The following ILDR1 variants were observed in gnomAD, a reference collection of about 807,000 sequenced individuals.
ILDR1 encodes the protein immunoglobulin like domain containing receptor 1, also known as immunoglobulin-like domain-containing receptor 1.
A neutral mutation model predicts 62.4 loss-of-function variants in ILDR1; 56 were observed. That is an observed-to-expected ratio of 0.90 (90% CI 0.72 to 1.12). ILDR1 has a LOEUF of 1.12. Among genes scored for constraint, ILDR1 ranks in the 50% most tolerant of loss-of-function variants. The pLI, the probability that ILDR1 is intolerant of heterozygous loss-of-function variation, is 0.00. For synonymous variants in ILDR1, 284 were observed against 277.8 expected (o/e 1.02, Z -0.22); for missense variants, 736 against 710.6 (o/e 1.04, Z -0.41).
At chr3:122,008,287 C>T (rs1384982081) in intron 1 of ILDR1, among the ~76,000 whole-genome samples, 1 of 152,170 alleles carries the variant, frequency 6.6e-6, no homozygotes, top group Non-Finnish European at 1.5e-5. Flanking sequence ...TCCAGGTGTG[C>T]CTTGATAAGG....
chr3:121,991,686 C>T (rs758515839), intron 7 of ILDR1, among the ~76,000 whole-genome samples: 12 of 152,202 alleles, frequency 7.9e-5, no homozygotes, highest in Non-Finnish European at 1.6e-4. Context: ...ACATAATTGC[C>T]ATTAATTATT....
chr3:121,998,079 C>A (rs2071463455), intron 5 of ILDR1, among the ~76,000 whole-genome samples: 1 of 152,118 alleles, frequency 6.6e-6, no homozygotes, highest in South Asian at 2.1e-4. Flanking sequence ...GATGTGAGCT[C>A]CCTCAGCTTC....
At position 121,993,155 on chromosome 3, in the gene ILDR1, G is replaced by A. The variant is rs201511787; in HGVS notation, c.1594C>T (p.Arg532Cys). The part of the protein sequence containing the change: ...NSRKKGSVER[R>C]SEKDSSHSGR... Reference sequence around the variant, plus strand: ...GCAGGATGCCCCAGGCTCACCGAGCGCCTCTCCACACTCCCTTTTTTCCTG... The same window carrying A: ...GCAGGATGCCCCAGGCTCACCGAGCACCTCTCCACACTCCCTTTTTTCCTG... The change falls in exon 7 of 8, where the codon CGC (arginine) becomes TGC (cysteine). Residue 532 changes from arginine to cysteine, a missense_variant. By Grantham distance (180) the Arg-to-Cys change is radical (BLOSUM62 -3). Transcript: ENST00000344209. 1.4e-4 allele frequency: 226 copies of A among 1,590,728 alleles called. No homozygotes were observed. The highest frequency in any genetic ancestry group is 5.0e-4 in the Middle Eastern group (3 of 6,038).
At chr3:122,048,693 A>G in the ILDR1 span, among the ~76,000 whole-genome samples, 1 of 152,160 alleles carries the variant, frequency 6.6e-6, no homozygotes, top group African/African-American at 2.4e-5. Context: ...CTTTTAGGTT[A>G]TCCAATTTGT....
chr3:121,988,691 T>C (rs748048552), intron 7 of ILDR1, among the ~76,000 whole-genome samples: 2 of 152,234 alleles, frequency 1.3e-5, no homozygotes, highest in Non-Finnish European at 2.9e-5. Context: ...TGTTTTCTAA[T>C]ACCTTCAAGT....
At chr3:122,026,244 G>T (rs972902264), upstream of ILDR1, among the ~76,000 whole-genome samples, 6 of 152,246 alleles carry the variant, frequency 3.9e-5, no homozygotes, top group African/African-American at 1.4e-4. Context: ...CTTGGCAGCA[G>T]TGAGAAGAAT....
chr3:122,035,687 T>C, the ILDR1 span, among the ~76,000 whole-genome samples: 1 of 152,220 alleles, frequency 6.6e-6, no homozygotes, highest in Non-Finnish European at 1.5e-5. Context: ...CCTTCCACCA[T>C]GATTGTAAGT....
the ILDR1 span, among the ~76,000 whole-genome samples, chr3:122,031,615 G>T: frequency 6.6e-6 from 1 of 152,152 alleles, no homozygotes; most frequent in Admixed American, 6.5e-5. Flanking sequence ...AATGGGATTA[G>T]TGCCCTTATA....
intron 3 of ILDR1, 33 bp from the exon 4 acceptor site, chr3:122,001,897 C>T (rs769587835): frequency 6.2e-7 from 1 of 1,611,606 alleles, no homozygotes; most frequent in African/African-American, 1.3e-5. Flanking sequence ...GTGCCAGTGT[C>T]AGAGGAGAGA....
chr3:122,052,675 G>T, the ILDR1 span, among the ~76,000 whole-genome samples: 1 of 152,176 alleles, frequency 6.6e-6, no homozygotes. Flanking sequence ...CCGGGTTCAA[G>T]CAATTCTCCT....
chr3:121,999,172 A>C (rs1276072087), intron 5 of ILDR1, among the ~76,000 whole-genome samples: 1 of 152,192 alleles, frequency 6.6e-6, no homozygotes, highest in Non-Finnish European at 1.5e-5. Context: ...TTTTGTTTCT[A>C]TCTTAATAGG....
chr3:121,987,718 A>G lies in ILDR1; in HGVS notation c.*649T>C, dbSNP rs1163970934. On this transcript the variant is annotated 3_prime_UTR_variant, in exon 8 of 8. Transcript: ENST00000344209. ...TCTTCTTAAACATTCCCAAGTTCTC[A>G]TTTTGAGAATGGCCAGGGTTCTGGG... 6.4e-6 allele frequency: 1 copy of G among 157,450 alleles called. No homozygotes were observed. The highest frequency in any genetic ancestry group is 1.4e-5 in the Non-Finnish European group (1 of 71,304). The allele number at this position is 157,450 out of a possible 1,614,324, so 9.8% of individuals were successfully genotyped here.
upstream of ILDR1, among the ~76,000 whole-genome samples, chr3:122,024,015 TC>T (rs1298607709): frequency 6.6e-6 from 1 of 150,678 alleles, no homozygotes; most frequent in Non-Finnish European, 1.5e-5. Flanking sequence ...TTCCCATACC[TC>T]CCCCCCATAC....
chr3:122,030,241 A>G, the ILDR1 span, among the ~76,000 whole-genome samples: 3 of 152,182 alleles, frequency 2.0e-5, no homozygotes, highest in Non-Finnish European at 2.9e-5. Flanking sequence ...TCCTAGGACT[A>G]GAGCCGCAGA....
At chr3:122,048,349 C>T in the ILDR1 span, among the ~76,000 whole-genome samples, 1 of 152,160 alleles carries the variant, frequency 6.6e-6, no homozygotes, top group Admixed American at 6.5e-5. Flanking sequence ...TATTTTATTG[C>T]AGATTTTTGC....
chr3:121,993,520 C>G lies in ILDR1; in HGVS notation c.1229G>C (p.Gly410Ala), dbSNP rs748525876. Residue 410 changes from glycine to alanine, a missense_variant, in exon 7 of 8, where the codon GGG becomes GCG. Transcript: ENST00000344209. ...CCTGTCTGACCAGTGTATGGGTGACCCATTCAGCCTAGAGCTACGGTGCCT... is the reference window on the plus strand; with the variant it reads ...CCTGTCTGACCAGTGTATGGGTGACGCATTCAGCCTAGAGCTACGGTGCCT... Reference protein sequence around the residue: ...SGRHRSSRLNGSPIHWSDRDS... With the variant: ...SGRHRSSRLNASPIHWSDRDS... 1.4e-5 allele frequency: 23 copies of G among 1,614,080 alleles called. No individual in the cohort carries two copies. Among genetic ancestry groups the G allele is most frequent in the Non-Finnish European group, 1.8e-5 (21 of 1,180,036 alleles).
chr3:121,993,043 C>A, intron 7 of ILDR1, 107 bp downstream of exon 7: 1 of 934,322 alleles, frequency 1.1e-6, no homozygotes, highest in South Asian at 1.4e-5. Flanking sequence ...AGGGAGGAGG[C>A]ACCCTCTGTG....
chr3:122,002,794 C>T (rs1044971576), intron 3 of ILDR1, among the ~76,000 whole-genome samples: 1 of 152,082 alleles, frequency 6.6e-6, no homozygotes, highest in African/African-American at 2.4e-5. Flanking sequence ...CAACAGGCCG[C>T]GGTGTGTATT....
the ILDR1 span, among the ~76,000 whole-genome samples, chr3:122,032,479 T>A: frequency 6.6e-6 from 1 of 152,226 alleles, no homozygotes; most frequent in Admixed American, 6.5e-5. Context: ...CATTTTTGCT[T>A]CTATAGTTCA....
Sources: gnomAD v4.1 joint callset for allele counts (sites outside exome capture counted in the v4.1 genomes callset) on GRCh38, gnomAD v4.1.1 for gene constraint, MANE v1.5 for transcripts, NCBI Gene and HGNC (gene_info 2026-07-23, HGNC 2026-07-21) for gene names.